Variants in SLC6A14 observed in about 807,000 individuals in gnomAD.
SLC6A14 encodes sodium- and chloride-dependent neutral and basic amino acid transporter B(0+).
Under a neutral mutation model 51.4 loss-of-function variants are expected in SLC6A14, and 21 were observed. The ratio of observed to expected loss-of-function variants is 0.41; its 90% confidence interval spans 0.29 to 0.59. The LOEUF (loss-of-function observed/expected upper bound fraction) is 0.59, where lower values mean the gene tolerates loss of function less well. Among genes scored for constraint, SLC6A14 ranks in the 20% least tolerant of loss-of-function variants. SLC6A14 has a pLI of 0.31. For missense variants in SLC6A14, 371 were observed against 472.8 expected, an observed-to-expected ratio of 0.78 and a Z score of 2.00; for synonymous variants, 177 against 160.7, an observed-to-expected ratio of 1.10 and a Z score of -0.77.
At chrX:116,448,967 GA>G (rs1228773100) in intron 7 of SLC6A14, among the ~76,000 whole-genome samples, 2 of 110,892 alleles carry the variant, frequency 1.8e-5, no homozygotes, top group Non-Finnish European at 3.8e-5. Context: ...GTTTTTCTTA[GA>G]TTTTTTTTTA....
At chrX:116,442,556 C>T (rs1179618752) in intron 3 of SLC6A14, 131 bp from the exon 4 acceptor site, 5 of 495,914 alleles carry the variant, frequency 1.0e-5, no homozygotes, top group Non-Finnish European at 1.2e-5. Flanking sequence ...TGAGCCACCG[C>T]ACCCTGCCTG....
intron 7 of SLC6A14, among the ~76,000 whole-genome samples, chrX:116,448,023 C>T (rs782555873): frequency 1.8e-4 from 20 of 112,338 alleles, no homozygotes; most frequent in Non-Finnish European, 3.8e-4. Context: ...ACTACTAATA[C>T]TATTCAAAAT....
Position 116,455,065 on chromosome X carries a change from T to A in SLC6A14, c.1493T>A (p.Ile498Asn). The A allele has an allele frequency of 8.6e-7, 1 of 1,164,431 alleles. No homozygotes were observed. The highest frequency in any genetic ancestry group is 1.2e-6 in the Non-Finnish European group (1 of 855,043). The stretch of plus-strand genomic sequence containing the variant: ...GCTATACTGGAGCTAGTTGGAATCA[T>A]CTGGATTTATGGTAAATAGTAACTA... ...IAAILELVGIIWIYGGNRFIE... is the reference protein window; with the variant it reads ...IAAILELVGINWIYGGNRFIE... The change falls in exon 11 of 14, where the codon ATC (isoleucine) becomes AAC (asparagine). Residue 498 changes from isoleucine to asparagine, a missense_variant. Coordinates refer to ENST00000598581, the MANE Select transcript of SLC6A14 (RefSeq NM_007231.5).
intron 3 of SLC6A14, 128 bp from the exon 4 acceptor site, chrX:116,442,559 C>A: frequency 1.9e-6 from 1 of 522,183 alleles, no homozygotes; most frequent in Non-Finnish European, 2.9e-6. Context: ...GCCACCGCAC[C>A]CTGCCTGAAA....
At chrX:116,441,700 G>A (rs887882460) in intron 3 of SLC6A14, among the ~76,000 whole-genome samples, 1 of 111,831 alleles carries the variant, frequency 8.9e-6, no homozygotes, top group African/African-American at 3.3e-5. Flanking sequence ...TTCATAGTGA[G>A]GTGAATAGAA....
chrX:116,444,878 C>T, intron 5 of SLC6A14, 40 bp from the exon 6 acceptor site: 1 of 1,195,821 alleles, frequency 8.4e-7, no homozygotes, highest in South Asian at 1.8e-5. Context: ...TTCTTTAAGT[C>T]AAGTGATTCT....
Position 116,437,969 on chromosome X carries a change from C to CGGGGGGGGGCG in SLC6A14, c.214+14_214+15insGGGGGGGGGCG. The CGGGGGGGGGCG allele has an allele frequency of 1.8e-6, 2 of 1,096,567 alleles. No individual in the cohort carries two copies. Among genetic ancestry groups the CGGGGGGGGGCG allele is most frequent in the Non-Finnish European group, 1.2e-6 (1 of 820,879 alleles). The allele number at this position is 1,096,567 out of a possible 1,213,427, so 90.4% of individuals were successfully genotyped here. On this transcript the variant is annotated intron_variant, in intron 2 of 13. Transcript: ENST00000598581. Reference sequence around the variant, plus strand: ...GCAATGGTGGAGGTATTCTATTTCACCCCCACCCTCCCACCCCCGCTTTTC... The same window carrying CGGGGGGGGGCG: ...GCAATGGTGGAGGTATTCTATTTCACGGGGGGGGGCGCCCCACCCTCCCACCCCCGCTTTTC...
Position 116,458,898 on chromosome X carries a change from T to TA in SLC6A14, c.1878dup (p.Glu627ArgfsTer3). ...AAAGATATAAAGACATGGTAGATCC[T>TA]AAAAAAGAGGCTGACCATGAAATAC... On this transcript the variant is annotated frameshift_variant, in exon 14 of 14. Transcript: ENST00000598581. LOFTEE classifies it high-confidence loss of function. 3 of 1,204,033 alleles carry TA rather than the reference T, an allele frequency of 2.5e-6. No homozygotes were observed. Among genetic ancestry groups the TA allele is most frequent in the Non-Finnish European group, 3.4e-6 (3 of 891,170 alleles).
Position 116,442,727 on chromosome X carries a change from A to C in SLC6A14, c.387A>C (p.Thr129=). 1.7e-6 allele frequency: 2 copies of C among 1,153,387 alleles called. No homozygotes were observed. Among genetic ancestry groups the C allele is most frequent in the Non-Finnish European group, 2.3e-6 (2 of 866,951 alleles). Residue 129 remains threonine (T), a synonymous_variant, in exon 4 of 14, where the codon ACA becomes ACC. Transcript: ENST00000598581. ...TGGTCCTGATCTCCATTTTTGTGAC[A>C]ATCTATTACAATGTCATAATTGCCT... The part of the protein sequence containing the change: ...ITMVLISIFV[T]IYYNVIIAYS...
At chrX:116,445,691 A>T (rs1556693978) in intron 6 of SLC6A14, among the ~76,000 whole-genome samples, 1 of 111,768 alleles carries the variant, frequency 8.9e-6, no homozygotes, top group Non-Finnish European at 1.9e-5. Context: ...ATAAACTTGC[A>T]GAGAGAATAA....
intron 8 of SLC6A14, 82 bp from the exon 9 acceptor site, chrX:116,452,935 T>A: frequency 1.2e-6 from 1 of 806,702 alleles, no homozygotes. Context: ...AAGATGAGAT[T>A]TTTCTAATAT....
At chrX:116,442,616 CT>C in intron 3 of SLC6A14, 70 bp from the exon 4 acceptor site, 1 of 883,473 alleles carries the variant, frequency 1.1e-6, no homozygotes, top group Non-Finnish European at 1.5e-6. Context: ...TGAGATACAG[CT>C]TTTTTATGAA....
At chrX:116,456,775 C>G (rs1179881331) in intron 12 of SLC6A14, among the ~76,000 whole-genome samples, 1 of 110,969 alleles carries the variant, frequency 9.0e-6, no homozygotes, top group Non-Finnish European at 1.9e-5. Flanking sequence ...AAACATAGAT[C>G]TATTTATTGT....
Position 116,439,993 on chromosome X carries a change from A to T in SLC6A14, c.215-973A>T, listed in dbSNP as rs530274714. Among the ~76,000 whole-genome samples the T allele has an allele frequency of 3.6e-5, 4 of 111,693 alleles. No homozygotes were observed. The South Asian group carries it at 1.5e-3, about 41-fold the overall frequency. ...AGTATCATAATATGAAAAATACTTG[A>T]GGCAAAACTGTAACATGAGTAAATT... On this transcript the variant is annotated intron_variant, in intron 2 of 13. Transcript: ENST00000598581.
In SLC6A14 at chrX:116,460,117, C is replaced by G. The variant is rs1928014345; in HGVS notation, c.*1162C>G. The G allele has an allele frequency of 9.0e-6, 1 of 111,695 alleles. No homozygotes were observed. The highest frequency in any genetic ancestry group is 3.3e-5 in the African/African-American group (1 of 30,769). The allele number at this position is 111,695 out of a possible 1,213,427, so 9.2% of individuals were successfully genotyped here. On this transcript the variant is annotated 3_prime_UTR_variant, in exon 14 of 14. Transcript: ENST00000598581. Reference sequence around the variant, plus strand: ...CCTATATATGTAAATAGCTTTTCATCAATTCTTAAATTTCTTAACCTAGGC... The same window carrying G: ...CCTATATATGTAAATAGCTTTTCATGAATTCTTAAATTTCTTAACCTAGGC...
chrX:116,454,541 G>C, intron 10 of SLC6A14, 99 bp downstream of exon 10: 1 of 508,207 alleles, frequency 2.0e-6, no homozygotes, highest in Non-Finnish European at 3.3e-6. Flanking sequence ...TTAGTGACAA[G>C]TCCAGGTCTG....
chrX:116,451,400 T>C, intron 7 of SLC6A14, 42 bp from the exon 8 acceptor site: 2 of 946,236 alleles, frequency 2.1e-6, no homozygotes, highest in Middle Eastern at 3.8e-4. Context: ...AAATAAAAAA[T>C]TGAGTATATG....
chrX:116,444,382 G>A (rs1397363069), intron 5 of SLC6A14, among the ~76,000 whole-genome samples: 4 of 111,239 alleles, frequency 3.6e-5, no homozygotes, highest in Non-Finnish European at 7.6e-5. Flanking sequence ...ATCTTCAAAT[G>A]TTCTCAAACT....
Position 116,446,818 on chromosome X carries a change from T to A in SLC6A14, c.867T>A (p.Ala289=). 8.3e-7 allele frequency: 1 copy of A among 1,207,539 alleles called. No homozygotes were observed. The highest frequency in any genetic ancestry group is 1.1e-6 in the Non-Finnish European group (1 of 891,912). Residue 289 remains alanine (A), a synonymous_variant, in exon 7 of 14, where the codon GCT becomes GCA. Transcript: ENST00000598581. Reference sequence around the variant, plus strand: ...TACGAGGTGCAACTCTGGAGGGTGCTTCAAAAGGCATTTCATACTATATTG... The same window carrying A: ...TACGAGGTGCAACTCTGGAGGGTGCATCAAAAGGCATTTCATACTATATTG... The part of the protein sequence containing the change: ...LLVRGATLEG[A]SKGISYYIGA...
Sources: gnomAD v4.1 joint callset for allele counts (sites outside exome capture counted in the v4.1 genomes callset) on GRCh38, gnomAD v4.1.1 for gene constraint, MANE v1.5 for transcripts, NCBI Gene and HGNC (gene_info 2026-07-23, HGNC 2026-07-21) for gene names.